Variants in GLI2 observed in about 807,000 individuals in gnomAD.
GLI2 encodes GLI family zinc finger 2.
A neutral mutation model predicts 78.9 loss-of-function variants in GLI2; 22 were observed. That is an observed-to-expected ratio of 0.28 (90% CI 0.20 to 0.40). The LOEUF (loss-of-function observed/expected upper bound fraction) is 0.40, where lower values mean the gene tolerates loss of function less well. Among genes scored for constraint, GLI2 ranks in the 10% least tolerant of loss-of-function variants. GLI2 has a pLI of 1.00. For missense variants in GLI2, 2,097 were observed against 2,213.2 expected (o/e 0.95, Z 1.05); for synonymous variants, 974 against 963.7 (o/e 1.01, Z -0.20).
chr2:120,779,031 A>T (rs1683762281), intron 1 of GLI2, among the ~76,000 whole-genome samples: 1 of 152,186 alleles, frequency 6.6e-6, no homozygotes, highest in African/African-American at 2.4e-5. Context: ...AGGGAAGCAC[A>T]AAGAAGGAAG....
At chr2:120,882,747 G>A (rs1677214787) in intron 2 of GLI2, among the ~76,000 whole-genome samples, 1 of 152,192 alleles carries the variant, frequency 6.6e-6, no homozygotes, top group Non-Finnish European at 1.5e-5. Flanking sequence ...CTCCAGGGCT[G>A]AGATAGCTGG....
At chr2:120,937,573 C>A (rs553543268) in intron 3 of GLI2, among the ~76,000 whole-genome samples, 7 of 152,198 alleles carry the variant, frequency 4.6e-5, no homozygotes, top group African/African-American at 1.2e-4. Flanking sequence ...GGCCTCCCCC[C>A]ACGTCCCAGC....
At chr2:120,975,602 G>A (rs1043881438) in intron 9 of GLI2, among the ~76,000 whole-genome samples, 1 of 152,186 alleles carries the variant, frequency 6.6e-6, no homozygotes, top group Non-Finnish European at 1.5e-5. Flanking sequence ...GGATATGGGT[G>A]CAGGTGGGCG....
chr2:120,927,320 G>A (rs1385015894), intron 2 of GLI2, 41 bp from the exon 3 acceptor site: 1 of 1,409,104 alleles, frequency 7.1e-7, no homozygotes, highest in Non-Finnish European at 1.0e-6. Context: ...TGAGGGAGGG[G>A]GAAAGTTTTT....
chr2:120,950,829 G>A (rs191584680), intron 3 of GLI2, among the ~76,000 whole-genome samples: 56 of 152,250 alleles, frequency 3.7e-4, no homozygotes, highest in Admixed American at 1.5e-3. Flanking sequence ...CGTTTTACCC[G>A]TGGTATTCGT....
At chr2:120,818,595 C>G (rs1685616312) in intron 2 of GLI2, among the ~76,000 whole-genome samples, 1 of 152,164 alleles carries the variant, frequency 6.6e-6, no homozygotes, top group African/African-American at 2.4e-5. Context: ...CTCCCCAAAC[C>G]CCACTCCCAA....
intron 1 of GLI2, among the ~76,000 whole-genome samples, chr2:120,740,387 G>A (rs1222494982): frequency 3.3e-5 from 5 of 152,150 alleles, no homozygotes; most frequent in African/African-American, 1.2e-4. Flanking sequence ...TGGGGATTTG[G>A]GTTTAAATTG....
At chr2:120,850,550 A>G (rs1217095564) in intron 2 of GLI2, among the ~76,000 whole-genome samples, 1 of 152,212 alleles carries the variant, frequency 6.6e-6, no homozygotes, top group Non-Finnish European at 1.5e-5. Flanking sequence ...CCTTTACTTA[A>G]GGATTCTCTC....
At chr2:120,877,369 T>A (rs997634722) in intron 2 of GLI2, among the ~76,000 whole-genome samples, 24 of 152,170 alleles carry the variant, frequency 1.6e-4, no homozygotes, top group African/African-American at 4.8e-4. Context: ...TCAAAAAAAA[T>A]ATGCAAATAC....
At position 120,815,700 on chromosome 2, in the gene GLI2, TC is replaced by T. The variant is rs200988841; in HGVS notation, c.148+18234del. ...AATGCCCTCCCCATACCAGTTAGAG[TC>T]CGATCAGTGGAGTAGAATCACCGTG... On this transcript the variant is annotated intron_variant, in intron 2 of 13. Coordinates refer to ENST00000361492, the MANE Select transcript of GLI2 (RefSeq NM_001374353.1). Among the ~76,000 whole-genome samples the T allele has an allele frequency of 8.8e-3, 1,333 of 152,088 alleles. 31 individuals carry two copies. The highest frequency in any genetic ancestry group is 0.03 in the African/African-American group (1,233 of 41,488).
chr2:120,926,142 A>G (rs1679660952), intron 2 of GLI2, among the ~76,000 whole-genome samples: 1 of 152,104 alleles, frequency 6.6e-6, no homozygotes, highest in Non-Finnish European at 1.5e-5. Flanking sequence ...GCAAGAAAAA[A>G]AAAAAGAATT....
At chr2:120,853,603 A>G (rs1046532122) in intron 2 of GLI2, among the ~76,000 whole-genome samples, 1 of 152,228 alleles carries the variant, frequency 6.6e-6, no homozygotes, top group Non-Finnish European at 1.5e-5. Context: ...AAGAGAAAGA[A>G]GAGAGTGAAA....
intron 2 of GLI2, among the ~76,000 whole-genome samples, chr2:120,881,519 G>A (rs1236753567): frequency 1.4e-5 from 2 of 140,428 alleles, no homozygotes; most frequent in African/African-American, 5.3e-5. Flanking sequence ...GGTCAAGGGA[G>A]GGCAGGTGGG....
intron 2 of GLI2, among the ~76,000 whole-genome samples, chr2:120,874,825 G>A (rs1281181621): frequency 1.3e-5 from 2 of 152,184 alleles, no homozygotes; most frequent in African/African-American, 4.8e-5. Context: ...GCTGCAGCTG[G>A]GGGTGGAGGG....
intron 2 of GLI2, among the ~76,000 whole-genome samples, chr2:120,885,176 C>T (rs895939549): frequency 3.3e-5 from 5 of 152,230 alleles, no homozygotes; most frequent in African/African-American, 1.2e-4. Context: ...CCCTTCTGCA[C>T]ATCATGCAGA....
intron 3 of GLI2, among the ~76,000 whole-genome samples, chr2:120,928,387 C>T (rs1457907464): frequency 6.6e-6 from 1 of 152,212 alleles, no homozygotes; most frequent in Non-Finnish European, 1.5e-5. Context: ...GAGGAGTCAC[C>T]TCCTCAGGGG....
chr2:120,961,752 C>A (rs972340929), intron 5 of GLI2, among the ~76,000 whole-genome samples: 4 of 152,212 alleles, frequency 2.6e-5, no homozygotes, highest in African/African-American at 9.6e-5. Context: ...GGGAGTTGGG[C>A]TATGCAGGGA....
chr2:120,980,332 G>A (rs1183885958), intron 10 of GLI2, among the ~76,000 whole-genome samples: 22 of 152,172 alleles, frequency 1.4e-4, no homozygotes. Flanking sequence ...ATATCCTAGT[G>A]GGTATAAAGT....
chr2:120,870,828 C>T (rs982632145), intron 2 of GLI2, among the ~76,000 whole-genome samples: 2 of 152,164 alleles, frequency 1.3e-5, no homozygotes, highest in African/African-American at 4.8e-5. Context: ...TCCTGCAGAA[C>T]CTGGCGTGTA....
Sources: allele counts gnomAD v4.1 joint callset (sites outside exome capture counted in the v4.1 genomes callset), GRCh38; gene constraint gnomAD v4.1.1; transcripts MANE v1.5; gene names NCBI Gene and HGNC (gene_info 2026-07-23, HGNC 2026-07-21).